The following PREB variants were observed in gnomAD, a reference collection of about 807,000 sequenced individuals.
PREB encodes the protein prolactin regulatory element binding, also known as guanine nucleotide-exchange factor SEC12.
In PREB, 29 loss-of-function variants were observed where a neutral mutation model predicts 46.7. That is an observed-to-expected ratio of 0.62 (90% CI 0.46 to 0.85). The LOEUF is 0.85. PREB is among the 40% of genes least tolerant of loss of function. The pLI is 0.00. For missense variants in PREB, 494 were observed against 528.4 expected (o/e 0.93, Z 0.64); for synonymous variants, 224 against 220.1 (o/e 1.02, Z -0.16).
intron 7 of PREB, 32 bp from the exon 8 acceptor site, chr2:27,131,863 G>A (rs774828630): frequency 1.2e-6 from 2 of 1,608,842 alleles, no homozygotes; most frequent in Non-Finnish European, 1.7e-6. Flanking sequence ...GTGAGGAAAG[G>A]CCTAGCTGGG....
Position 27,132,803 on chromosome 2 carries a change from CTCTCCTT to C in PREB, c.627+33_627+39del, listed in dbSNP as rs564619095. 1.2e-3 allele frequency: 1,985 copies of C among 1,613,340 alleles called. 17 individuals carry two copies. The African/African-American group carries it at 0.023, about 19-fold the overall frequency. ...TGGGCAAGCAGCATAAGCACCTCCT[CTCTCCTT>C]TCTCCATCCTCCTCCCACCCCCAGC... On this transcript the variant is annotated intron_variant, in intron 4 of 8. Coordinates refer to ENST00000260643, the MANE Select transcript of PREB (RefSeq NM_013388.6). This position sits in a 1 kb window ranked among gnomAD's most constrained non-coding sequence, Gnocchi z 4.0.
At position 27,132,052 on chromosome 2, in the gene PREB, T is replaced by C. The variant is rs1035430813; in HGVS notation, c.957A>G (p.Thr319=). Residue 319 remains threonine, a synonymous_variant, in exon 7 of 9, where the codon ACA becomes ACG. Transcript: ENST00000260643. The surrounding 1 kb of genome is among the most constrained non-coding windows in gnomAD (Gnocchi z 4.0). ...TGTAGATGGCAACAGAGCCAGTGAC[T>C]GTGCCCAGGCCTAGGAAGGTGCCGG... ...SESGTFLGLG[T]VTGSVAIYIA... is the part of the protein sequence containing the mutation. The C allele has an allele frequency of 1.2e-6, 2 of 1,614,188 alleles. No homozygotes were observed. The highest frequency in any genetic ancestry group is 2.7e-5 in the African/African-American group (2 of 75,052).
At position 27,131,523 on chromosome 2, in the gene PREB, G is replaced by A; in HGVS notation, c.1160-15C>T. 6.3e-7 allele frequency: 1 copy of A among 1,597,068 alleles called. No individual in the cohort carries two copies. Among genetic ancestry groups the A allele is most frequent in the Non-Finnish European group, 8.5e-7 (1 of 1,171,176 alleles). ...AGGAACACTCCCTGCAGGAGGGAAA[G>A]GGAGGAGGTCAGCGGGCAAAAGGGC... On this transcript the variant is annotated splice_polypyrimidine_tract_variant and intron_variant, in intron 8 of 8. Coordinates refer to ENST00000260643, the MANE Select transcript of PREB (RefSeq NM_013388.6).
chr2:27,132,031 G>A lies in PREB; in HGVS notation c.978C>T (p.Ile326=). ...TTACCTGGAGAGAGAAAGCTATGTA[G>A]ATGGCAACAGAGCCAGTGACTGTGC... ...GLGTVTGSVA[I]YIAFSLQCLY... is the part of the protein sequence containing the mutation. Residue 326 remains isoleucine (I), a synonymous_variant, in exon 7 of 9, where the codon ATC becomes ATT. Coordinates refer to ENST00000260643, the MANE Select transcript of PREB (RefSeq NM_013388.6). The surrounding 1 kb of genome is among the most constrained non-coding windows in gnomAD (Gnocchi z 4.0). 6.2e-7 allele frequency: 1 copy of A among 1,614,176 alleles called. No homozygotes were observed. Among genetic ancestry groups the A allele is most frequent in the African/African-American group, 1.3e-5 (1 of 75,054 alleles).
In PREB at chr2:27,132,791, T is replaced by A; in HGVS notation, c.627+52A>T. ...GGATCCACTTACTGGGCAAGCAGCA[T>A]AAGCACCTCCTCTCTCCTTTCTCCA... On this transcript the variant is annotated intron_variant, in intron 4 of 8. Transcript: ENST00000260643. The surrounding 1 kb of genome is among the most constrained non-coding windows in gnomAD (Gnocchi z 4.0). 1 of 1,613,382 alleles carries A rather than the reference T, an allele frequency of 6.2e-7. No individual in the cohort carries two copies. The highest frequency in any genetic ancestry group is 8.5e-7 in the Non-Finnish European group (1 of 1,179,428).
At position 27,133,512 on chromosome 2, in the gene PREB, G is replaced by T. The variant is rs748133569; in HGVS notation, c.325+20C>A. 1.2e-6 allele frequency: 2 copies of T among 1,610,606 alleles called. No homozygotes were observed. The highest frequency in any genetic ancestry group is 4.5e-5 in the East Asian group (2 of 44,854). Reference sequence around the variant, plus strand: ...CTCGTTCAACCCTTTCCCCAAGGGGGTAGAGAGGGAGCTCCTCACCGGCCT... The same window carrying T: ...CTCGTTCAACCCTTTCCCCAAGGGGTTAGAGAGGGAGCTCCTCACCGGCCT... On this transcript the variant is annotated intron_variant, in intron 2 of 8. Coordinates refer to ENST00000260643, the MANE Select transcript of PREB (RefSeq NM_013388.6).
At position 27,131,470 on chromosome 2, in the gene PREB, C is replaced by T. The variant is rs758585690; in HGVS notation, c.1198G>A (p.Gly400Arg). The change falls in exon 9 of 9, where the codon GGG becomes AGG. Residue 400 changes from glycine (G) to arginine (R), a missense_variant. Transcript: ENST00000260643. Reference protein sequence around the residue: ...PVWLLLLLCVGLIIVTILLLQ... With the variant: ...PVWLLLLLCVRLIIVTILLLQ... ...AGCAGGATGGTCACAATAATAAGCC[C>T]GACACACAGCAGGAGCAGGAGCCAC... is the stretch of plus-strand genomic sequence containing the variant. The T allele has an allele frequency of 5.1e-6, 8 of 1,577,760 alleles. No individual in the cohort carries two copies. The highest frequency in any genetic ancestry group is 5.2e-6 in the Non-Finnish European group (6 of 1,161,270).
chr2:27,132,369 G>T lies in PREB; in HGVS notation c.787C>A (p.Arg263=), dbSNP rs1298397838. 9.9e-6 allele frequency: 16 copies of T among 1,612,816 alleles called. No homozygotes were observed. Among genetic ancestry groups the T allele is most frequent in the Non-Finnish European group, 1.3e-5 (15 of 1,179,888 alleles). ...GQVPDQPAGL[R]LFTVQIPHKR... is the part of the protein sequence containing the mutation. ...TGGGGAATTTGCACTGTGAAGAGTC[G>T]CAGGCCAGCAGGCTGGTCTGGAACC... The change falls in exon 6 of 9, where the codon CGA becomes AGA. Residue 263 remains arginine (R), a synonymous_variant. Transcript: ENST00000260643. The surrounding 1 kb of genome is among the most constrained non-coding windows in gnomAD (Gnocchi z 4.0).
chr2:27,131,696 G>A lies in PREB; in HGVS notation c.1135C>T (p.Gln379Ter). 1 of 1,614,146 alleles carries A rather than the reference G, an allele frequency of 6.2e-7. No homozygotes were observed. Among genetic ancestry groups the A allele is most frequent in the African/African-American group, 1.3e-5 (1 of 75,042 alleles). Residue 379 changes from glutamine to a stop codon, truncating the protein, a stop_gained, in exon 8 of 9, where the codon CAG (glutamine) becomes TAG (stop). Transcript: ENST00000260643. LOFTEE classifies it high-confidence loss of function. ...CGCCGTGAGGGCAACAGATGCAGCT[G>A]GCAACGACTGTCCACAGCCACAGAG... is the stretch of plus-strand genomic sequence containing the variant. The part of the protein sequence containing the change: ...LFSVAVDSRC[Q>*]LHLLPSRRSV...
rs113058729 is a variant in PREB, at chr2:27,132,149, G to A, written c.927-67C>T. 310 of 1,608,398 alleles carry A rather than the reference G, an allele frequency of 1.9e-4. No individual in the cohort carries two copies. In the African/African-American group the frequency reaches 2.7e-3, roughly 14 times the overall value. On this transcript the variant is annotated intron_variant, in intron 6 of 8. Transcript: ENST00000260643. This position sits in a 1 kb window ranked among gnomAD's most constrained non-coding sequence, Gnocchi z 4.0. ...GCAGCAACCCTCATACCCCAATACCGGTCCGTAGGGACCCAGGCAGGACTC... is the reference window on the plus strand; with the variant it reads ...GCAGCAACCCTCATACCCCAATACCAGTCCGTAGGGACCCAGGCAGGACTC...
At chr2:27,133,785 GTCTGATGTCTTACCCCTT>G (rs1672386751) in intron 1 of PREB, 64 bp from the exon 2 acceptor site, 1 of 1,499,218 alleles carries the variant, frequency 6.7e-7, no homozygotes, top group Non-Finnish European at 9.2e-7. Flanking sequence ...TTAGGGAAGA[GTCTGATGTCTTACCCCTT>G]TGCTTTCTGC....
At chr2:27,134,114 G>C in intron 1 of PREB, 173 bp downstream of exon 1, 1 of 896,852 alleles carries the variant, frequency 1.1e-6, no homozygotes, top group Non-Finnish European at 1.6e-6. Context: ...CCTCTCCTCC[G>C]CCCGCTGAGT....
In PREB at chr2:27,132,403, C is replaced by G. The variant is rs751874444; in HGVS notation, c.753G>C (p.Arg251Ser). 3.1e-6 allele frequency: 5 copies of G among 1,609,832 alleles called. No homozygotes were observed. Among genetic ancestry groups the G allele is most frequent in the Non-Finnish European group, 4.2e-6 (5 of 1,178,624 alleles). ...SSTPYRYQACRFGQVPDQPAG... is the reference protein window; with the variant it reads ...SSTPYRYQACSFGQVPDQPAG... ...CAGGCTGGTCTGGAACCTGCCCAAA[C>G]CTGGGGGCCGGATGAGGGGCTATTC... The change falls in exon 6 of 9, where the codon AGG becomes AGC. Residue 251 changes from arginine (R) to serine (S), a missense_variant and splice_region_variant. Transcript: ENST00000260643. This position sits in a 1 kb window ranked among gnomAD's most constrained non-coding sequence, Gnocchi z 4.0.
At chr2:27,131,917 C>T in intron 7 of PREB, 86 bp from the exon 8 acceptor site, 1 of 1,593,868 alleles carries the variant, frequency 6.3e-7, no homozygotes, top group Non-Finnish European at 8.6e-7. Context: ...CAGGATTTCC[C>T]TCGATAGGAT....
At chr2:27,131,616 C>A (rs1046547001) in intron 8 of PREB, 56 bp downstream of exon 8, 5 of 1,602,278 alleles carry the variant, frequency 3.1e-6, no homozygotes, top group Non-Finnish European at 4.3e-6. Context: ...CCGGGGGGCA[C>A]GTTTCTGGTC....
chr2:27,133,837 TCGAG>T, intron 1 of PREB, 116 bp from the exon 2 acceptor site: 1 of 1,070,222 alleles, frequency 9.3e-7, no homozygotes, highest in Non-Finnish European at 1.3e-6. Context: ...CAAGGGTTTC[TCGAG>T]TCTTTTTTCT....
Position 27,131,282 on chromosome 2 carries a change from G to T in PREB, c.*132C>A. 2.5e-6 allele frequency: 2 copies of T among 792,102 alleles called. No homozygotes were observed. The highest frequency in any genetic ancestry group is 2.1e-6 in the Non-Finnish European group (1 of 480,258). The allele number at this position is 792,102 out of a possible 1,614,324, so 49.1% of individuals were successfully genotyped here. Reference sequence around the variant, plus strand: ...CCAAGCCTTTTCACTAGAAGGGCAGGCAGTGCCCATTCATCTTGTCAGCGG... The same window carrying T: ...CCAAGCCTTTTCACTAGAAGGGCAGTCAGTGCCCATTCATCTTGTCAGCGG... On this transcript the variant is annotated 3_prime_UTR_variant, in exon 9 of 9. Coordinates refer to ENST00000260643, the MANE Select transcript of PREB (RefSeq NM_013388.6).
intron 1 of PREB, 94 bp from the exon 2 acceptor site, chr2:27,133,815 C>T (rs1386059461): frequency 7.1e-6 from 9 of 1,275,040 alleles, no homozygotes; most frequent in East Asian, 2.3e-5. Flanking sequence ...GCTTTCTGCA[C>T]GTTCTAGTTC....
rs369896254 is a variant in PREB, at chr2:27,131,711, C to T, written c.1120G>A (p.Val374Met). 5 of 1,614,216 alleles carry T rather than the reference C, an allele frequency of 3.1e-6. No homozygotes were observed. The highest frequency in any genetic ancestry group is 1.1e-5 in the South Asian group (1 of 91,082). ...SHETALFSVA[V>M]DSRCQLHLLP... ...AGATGCAGCTGGCAACGACTGTCCA[C>T]AGCCACAGAGAACAGGGCAGTTTCA... The change falls in exon 8 of 9, where the codon GTG (valine) becomes ATG (methionine). Residue 374 changes from valine to methionine, a missense_variant. Physicochemically the swap from Val to Met is conservative, Grantham distance 21. Coordinates refer to ENST00000260643, the MANE Select transcript of PREB (RefSeq NM_013388.6).
Sources: gnomAD v4.1 joint callset for allele counts on GRCh38, gnomAD v4.1.1 for gene constraint, Gnocchi (gnomAD v3.1) non-coding constraint, MANE v1.5 for transcripts, NCBI Gene and HGNC (gene_info 2026-07-23, HGNC 2026-07-21) for gene names.